The following POLR2C variants were observed in gnomAD, a reference collection of about 807,000 sequenced individuals.
The protein encoded by POLR2C is DNA-directed RNA polymerase II subunit RPB3.
In POLR2C, 36 loss-of-function variants were observed where a neutral mutation model predicts 41.7. That is an observed-to-expected ratio of 0.86 (90% CI 0.66 to 1.14). POLR2C has a LOEUF of 1.14. POLR2C is among the 50% of genes most tolerant of loss of function. The pLI, the probability that POLR2C is intolerant of heterozygous loss-of-function variation, is 0.00. For missense variants in POLR2C, 260 were observed against 350.4 expected (o/e 0.74, Z 2.06); for synonymous variants, 133 against 137.8 (o/e 0.96, Z 0.25).
rs2030824571 is a variant in POLR2C, at chr16:57,471,079, T to G, written c.788T>G (p.Leu263Ter). Residue 263 changes from leucine (L) to a stop codon, truncating the protein, a stop_gained, in exon 9 of 9, where the codon TTA becomes TGA. Transcript: ENST00000219252. LOFTEE classifies it high-confidence loss of function. ...AAACTGAGTGATTTACAAACTCAAT[T>G]AAGCCACGAGATCCAGAGTGATGTG... ...KKKLSDLQTQ[L>*]SHEIQSDVLT... 1.2e-6 allele frequency: 2 copies of G among 1,613,900 alleles called. No homozygotes were observed. Among genetic ancestry groups the G allele is most frequent in the South Asian group, 1.1e-5 (1 of 91,070 alleles).
At chr16:57,465,383 C>T (rs1198788912) in intron 2 of POLR2C, among the ~76,000 whole-genome samples, 2 of 152,114 alleles carry the variant, frequency 1.3e-5, no homozygotes, top group African/African-American at 2.4e-5. Context: ...CATGTGTGAT[C>T]GATAATACAG....
intron 8 of POLR2C, 44 bp downstream of exon 8, chr16:57,470,398 G>A (rs1241388132): frequency 6.8e-7 from 1 of 1,461,892 alleles, no homozygotes; most frequent in East Asian, 2.4e-5. Context: ...GTGGAAGAAG[G>A]GATGGTTTTG....
In POLR2C at chr16:57,469,480, G is replaced by A. The variant is rs547833551; in HGVS notation, c.387+187G>A. The A allele has an allele frequency of 2.0e-5, 15 of 743,714 alleles. No homozygotes were observed. Among genetic ancestry groups the A allele is most frequent in the Middle Eastern group, 4.6e-4 (2 of 4,324 alleles). The allele number at this position is 743,714 out of a possible 1,614,324, so 46.1% of individuals were successfully genotyped here. ...GCATCGTTAGCATCGTTGGTGCTGC[G>A]CACCCTCTATCACCCAGGGACTCTT... On this transcript the variant is annotated intron_variant, in intron 5 of 8. Transcript: ENST00000219252. This position sits in a 1 kb window ranked among gnomAD's most constrained non-coding sequence, Gnocchi z 5.8.
chr16:57,467,377 CAT>C (rs757326578), intron 4 of POLR2C, among the ~76,000 whole-genome samples: 20 of 152,174 alleles, frequency 1.3e-4, no homozygotes, highest in Non-Finnish European at 2.5e-4. Context: ...ATAAATAAAA[CAT>C]AGATATTGGT....
At chr16:57,467,802 T>C (rs1474660620) in intron 4 of POLR2C, among the ~76,000 whole-genome samples, 1 of 152,192 alleles carries the variant, frequency 6.6e-6, no homozygotes, top group Non-Finnish European at 1.5e-5. Context: ...TATTCAGATT[T>C]TCCTAGTTTT....
rs758977907 is a variant in POLR2C at position 57,471,848 on chromosome 16, C to G, written c.*729C>G. 6.6e-5 allele frequency: 10 copies of G among 152,396 alleles called. No individual in the cohort carries two copies. The highest frequency in any genetic ancestry group is 1.2e-4 in the Non-Finnish European group (8 of 68,068). 9.4% of individuals were successfully genotyped at this position (152,396 alleles called of 1,614,324 possible). On this transcript the variant is annotated 3_prime_UTR_variant, in exon 9 of 9. Transcript: ENST00000219252. ...CTTAATGAAGGCTCTGGCCCTAACCCCTCAGCACTGTCTCCAGATAGGAAC... is the reference window on the plus strand; with the variant it reads ...CTTAATGAAGGCTCTGGCCCTAACCGCTCAGCACTGTCTCCAGATAGGAAC...
intron 1 of POLR2C, 66 bp downstream of exon 1, chr16:57,462,876 G>C: frequency 7.5e-7 from 1 of 1,330,958 alleles, no homozygotes; most frequent in Non-Finnish European, 1.1e-6. Context: ...GGGGCCCCGG[G>C]GCAGGGGGCG....
rs1210691531 is a variant in POLR2C, at chr16:57,469,450, C to T, written c.387+157C>T. ...CTAGAAGTGCTAATTCTGGATTCCT[C>T]TTGGGCATCGTTAGCATCGTTGGTG... On this transcript the variant is annotated intron_variant, in intron 5 of 8. Coordinates refer to ENST00000219252, the MANE Select transcript of POLR2C (RefSeq NM_032940.3). This position sits in a 1 kb window ranked among gnomAD's most constrained non-coding sequence, Gnocchi z 5.8. The T allele has an allele frequency of 3.5e-6, 3 of 848,394 alleles. No individual in the cohort carries two copies. The highest frequency in any genetic ancestry group is 2.6e-5 in the East Asian group (1 of 38,190). 52.6% of individuals were successfully genotyped at this position (848,394 alleles called of 1,614,324 possible). A position where few individuals can be genotyped will look rare whatever the true frequency, so the allele number is the denominator to read the frequency against.
Position 57,471,335 on chromosome 16 carries a change from T to G in POLR2C, c.*216T>G, listed in dbSNP as rs2030832854. ...GGTCTTTACTGGCCCTGACTGCTGTTAATAATTGGCAGCAGTGCTCCCCAG... is the reference window on the plus strand; with the variant it reads ...GGTCTTTACTGGCCCTGACTGCTGTGAATAATTGGCAGCAGTGCTCCCCAG... On this transcript the variant is annotated 3_prime_UTR_variant, in exon 9 of 9. Coordinates refer to ENST00000219252, the MANE Select transcript of POLR2C (RefSeq NM_032940.3). The G allele has an allele frequency of 7.4e-6, 4 of 539,428 alleles. No individual in the cohort carries two copies. Among genetic ancestry groups the G allele is most frequent in the Non-Finnish European group, 1.3e-5 (4 of 302,096 alleles). 33.4% of individuals were successfully genotyped at this position (539,428 alleles called of 1,614,324 possible).
intron 2 of POLR2C, chr16:57,463,583 T>G: frequency 2.3e-6 from 1 of 444,112 alleles, no homozygotes; most frequent in Non-Finnish European, 4.5e-6. Flanking sequence ...TATTGTCATC[T>G]TTATGTCCGT....
chr16:57,470,354 G>A lies in POLR2C; in HGVS notation c.683G>A (p.Arg228Lys). The change falls in exon 8 of 9, where the codon AGG (arginine) becomes AAG (lysine). Residue 228 changes from arginine (R) to lysine (K), a missense_variant and splice_region_variant. Coordinates refer to ENST00000219252, the MANE Select transcript of POLR2C (RefSeq NM_032940.3). ...TATGACCCCAACGGCAAGCCAGAAA[G>A]GTAAGAGCCTGGTTGGACATGGGAA... ...APYDPNGKPERFYYNVESCGS... is the reference protein window; with the variant it reads ...APYDPNGKPEKFYYNVESCGS... The A allele has an allele frequency of 6.2e-7, 1 of 1,602,964 alleles. No homozygotes were observed. The highest frequency in any genetic ancestry group is 8.5e-7 in the Non-Finnish European group (1 of 1,174,282).
At chr16:57,468,682 TAGAA>T (rs574995814) in intron 4 of POLR2C, among the ~76,000 whole-genome samples, 63 of 152,352 alleles carry the variant, frequency 4.1e-4, no homozygotes, top group East Asian at 4.1e-3. Flanking sequence ...TTTTCCATAA[TAGAA>T]AGGATTTTTT....
chr16:57,463,653 T>C (rs1438559349), intron 2 of POLR2C: 1 of 454,616 alleles, frequency 2.2e-6, no homozygotes, highest in Admixed American at 2.4e-5. Flanking sequence ...TTAATTCTCT[T>C]AGGATAATGG....
chr16:57,469,602 T>G lies in POLR2C; in HGVS notation c.388-108T>G, dbSNP rs1206863160. ...ATCTGTGCCACCACCTCGTCAGGTG[T>G]TCGTTCCCTGGTTGACAGATTGCAG... On this transcript the variant is annotated intron_variant, in intron 5 of 8. Transcript: ENST00000219252. The surrounding 1 kb of genome is among the most constrained non-coding windows in gnomAD (Gnocchi z 5.8). 3.5e-5 allele frequency: 34 copies of G among 975,226 alleles called. No homozygotes were observed. Among genetic ancestry groups the G allele is most frequent in the Non-Finnish European group, 5.1e-5 (31 of 608,324 alleles). The allele number at this position is 975,226 out of a possible 1,614,324, so 60.4% of individuals were successfully genotyped here.
In POLR2C at chr16:57,469,641, G is replaced by T; in HGVS notation, c.388-69G>T. On this transcript the variant is annotated intron_variant, in intron 5 of 8. Transcript: ENST00000219252. The surrounding 1 kb of genome is among the most constrained non-coding windows in gnomAD (Gnocchi z 5.8). ...GACAGATTGCAGTCTAGAGGTGCTG[G>T]GATATGGATGCCAGAGGAGGTGACT... is the stretch of plus-strand genomic sequence containing the variant. The T allele has an allele frequency of 7.8e-7, 1 of 1,289,640 alleles. No individual in the cohort carries two copies. The highest frequency in any genetic ancestry group is 2.3e-5 in the East Asian group (1 of 43,330). 79.9% of individuals were successfully genotyped at this position (1,289,640 alleles called of 1,614,324 possible).
chr16:57,469,771 C>T lies in POLR2C; in HGVS notation c.439+10C>T. 1 of 1,610,912 alleles carries T rather than the reference C, an allele frequency of 6.2e-7. No homozygotes were observed. On this transcript the variant is annotated intron_variant, in intron 6 of 8. Transcript: ENST00000219252. The surrounding 1 kb of genome is among the most constrained non-coding windows in gnomAD (Gnocchi z 5.8). ...TACGTGGAGCAGGATGGTAAGTCTT[C>T]CTGACCTGTCACCGTGTGGGCCAGC... is the stretch of plus-strand genomic sequence containing the variant.
At chr16:57,463,200 T>C in intron 2 of POLR2C, 122 bp downstream of exon 2, 1 of 846,166 alleles carries the variant, frequency 1.2e-6, no homozygotes, top group Non-Finnish European at 2.0e-6. Flanking sequence ...CTGAGAAAAG[T>C]GCATTGCTGG....
chr16:57,469,585 C>T lies in POLR2C; in HGVS notation c.388-125C>T, dbSNP rs777104622. ...GTTGGAGTCCTGGGGGCATCTGTGC[C>T]ACCACCTCGTCAGGTGTTCGTTCCC... On this transcript the variant is annotated intron_variant, in intron 5 of 8. Coordinates refer to ENST00000219252, the MANE Select transcript of POLR2C (RefSeq NM_032940.3). The surrounding 1 kb of genome is among the most constrained non-coding windows in gnomAD (Gnocchi z 5.8). The T allele has an allele frequency of 7.1e-5, 62 of 871,870 alleles. No individual in the cohort carries two copies. Among genetic ancestry groups the T allele is most frequent in the Non-Finnish European group, 1.1e-4 (59 of 522,518 alleles). 54.0% of individuals were successfully genotyped at this position (871,870 alleles called of 1,614,324 possible).
Position 57,471,003 on chromosome 16 carries a change from T to A in POLR2C, c.712T>A (p.Ser238Thr). 1 of 1,614,048 alleles carries A rather than the reference T, an allele frequency of 6.2e-7. No homozygotes were observed. Among genetic ancestry groups the A allele is most frequent in the South Asian group, 1.1e-5 (1 of 91,082 alleles). The change falls in exon 9 of 9, where the codon TCT (serine) becomes ACT (threonine). Residue 238 changes from serine (S) to threonine (T), a missense_variant. Ser to Thr is a moderately conservative substitution (Grantham distance 58, BLOSUM62 1). Coordinates refer to ENST00000219252, the MANE Select transcript of POLR2C (RefSeq NM_032940.3). ...TTACTACAATGTGGAGTCCTGTGGC[T>A]CTCTGCGTCCTGAAACCATTGTCCT... Reference protein sequence around the residue: ...RFYYNVESCGSLRPETIVLSA... With the variant: ...RFYYNVESCGTLRPETIVLSA...
Sources: allele counts gnomAD v4.1 joint callset (sites outside exome capture counted in the v4.1 genomes callset), GRCh38; gene constraint gnomAD v4.1.1; non-coding constraint Gnocchi (gnomAD v3.1); transcripts MANE v1.5; gene names NCBI Gene and HGNC (gene_info 2026-07-23, HGNC 2026-07-21).